PTPRF: variants seen among roughly 807,000 people sequenced by gnomAD.
The protein encoded by PTPRF is receptor-type tyrosine-protein phosphatase F.
PTPRF carries 59 observed loss-of-function variants against 201.8 expected under a neutral mutation model. That is an observed-to-expected ratio of 0.29 (90% CI 0.24 to 0.36). PTPRF has a LOEUF of 0.36. PTPRF is among the 10% of genes least tolerant of loss of function. The pLI is 1.00. For missense variants in PTPRF, 2,132 were observed against 2,690.5 expected (o/e 0.79, Z 4.59); for synonymous variants, 1,088 against 1,089.7 (o/e 1.00, Z 0.03).
Position 43,591,341 on chromosome 1 carries a change from C to G in PTPRF, c.1319C>G (p.Pro440Arg), listed in dbSNP as rs781314317. ...GTGCAGTGGGAGCCTCCCGAGGAGC[C>G]CAACGGCCTGGTGCGGGGATACCGC... is the stretch of plus-strand genomic sequence containing the variant. Reference protein sequence around the residue: ...MLVQWEPPEEPNGLVRGYRVY... With the variant: ...MLVQWEPPEERNGLVRGYRVY... Residue 440 changes from proline (P) to arginine (R), a missense_variant, in exon 9 of 34, where the codon CCC becomes CGC. Pro to Arg is a moderately radical substitution (Grantham distance 103). Coordinates refer to ENST00000359947, the MANE Select transcript of PTPRF (RefSeq NM_002840.5). 1.3e-6 allele frequency: 2 copies of G among 1,552,424 alleles called. No homozygotes were observed. The highest frequency in any genetic ancestry group is 1.7e-6 in the Non-Finnish European group (2 of 1,149,264).
chr1:43,587,248 G>A (rs1431389581), intron 7 of PTPRF, among the ~76,000 whole-genome samples: 1 of 152,212 alleles, frequency 6.6e-6, no homozygotes. Flanking sequence ...TGTTTGTGGA[G>A]GGCCCGTGAG....
upstream of PTPRF, among the ~76,000 whole-genome samples, chr1:43,522,667 A>G (rs1642989052): frequency 6.6e-6 from 1 of 152,224 alleles, no homozygotes; most frequent in Non-Finnish European, 1.5e-5. Flanking sequence ...ACCAAAAGTG[A>G]AGAATGAGTT....
At chr1:43,618,913 A>T in intron 26 of PTPRF, 135 bp from the exon 27 acceptor site, 3 of 1,441,126 alleles carry the variant, frequency 2.1e-6, no homozygotes, top group Non-Finnish European at 2.9e-6. Context: ...CAGTGCTAGG[A>T]GCTTCAGGCT....
intron 20 of PTPRF, 107 bp downstream of exon 20, chr1:43,606,565 G>C: frequency 8.3e-7 from 1 of 1,204,906 alleles, no homozygotes; most frequent in Non-Finnish European, 1.2e-6. Context: ...CAGTTTGGGG[G>C]CTTCGAGATC....
chr1:43,608,410 G>A (rs1249681721), intron 21 of PTPRF, among the ~76,000 whole-genome samples: 5 of 152,174 alleles, frequency 3.3e-5, no homozygotes, highest in East Asian at 1.9e-4. Context: ...GAGGGATGAC[G>A]CTTTGACCAG....
upstream of PTPRF, among the ~76,000 whole-genome samples, chr1:43,524,050 C>CAAAAAAAA (rs57088994): frequency 1.2e-5 from 1 of 80,668 alleles, no homozygotes; most frequent in Non-Finnish European, 2.2e-5. Context: ...GAGACTCTGT[C>CAAAAAAAA]AAAAAAAAAA....
intron 22 of PTPRF, 46 bp downstream of exon 22, chr1:43,609,544 G>T: frequency 6.7e-7 from 1 of 1,496,118 alleles, no homozygotes; most frequent in Non-Finnish European, 9.2e-7. Flanking sequence ...AGACCTAGCA[G>T]GCCTGTGGGT....
chr1:43,555,316 A>ACG (rs1553175096), intron 5 of PTPRF, among the ~76,000 whole-genome samples: 1 of 151,512 alleles, frequency 6.6e-6, no homozygotes, highest in Non-Finnish European at 1.5e-5. Context: ...ATACATATAT[A>ACG]TGTGTGTGTG....
In PTPRF at chr1:43,604,006, A is replaced by G; in HGVS notation, c.2854A>G (p.Thr952Ala). The G allele has an allele frequency of 1.2e-6, 2 of 1,614,152 alleles. No homozygotes were observed. Among genetic ancestry groups the G allele is most frequent in the Non-Finnish European group, 1.7e-6 (2 of 1,180,040 alleles). ...GAGGAACGGGCGCATCATCAGCTAC[A>G]CCGTGGTGTTCCGAGACATCAACAG... is the stretch of plus-strand genomic sequence containing the variant. ...AERNGRIISYTVVFRDINSQQ... is the reference protein window; with the variant it reads ...AERNGRIISYAVVFRDINSQQ... Residue 952 changes from threonine to alanine, a missense_variant, in exon 16 of 34, where the codon ACC becomes GCC. This residue lies in a region of PTPRF where 818 missense variants were observed against 915.3 expected (regional missense o/e 0.89). Transcript: ENST00000359947.
chr1:43,617,959 A>T (rs1342916307), intron 25 of PTPRF, 48 bp downstream of exon 25: 1 of 1,555,808 alleles, frequency 6.4e-7, no homozygotes, highest in Non-Finnish European at 8.7e-7. Flanking sequence ...ATGCCCAGCC[A>T]CAAGGTGATA....
intron 19 of PTPRF, among the ~76,000 whole-genome samples, chr1:43,605,910 A>C (rs2154026170): frequency 6.6e-6 from 1 of 152,340 alleles, no homozygotes; most frequent in Non-Finnish European, 1.5e-5. Flanking sequence ...AGAGCCTCGC[A>C]GATCTAGAAG....
At chr1:43,567,481 G>A (rs1467519485) in intron 5 of PTPRF, among the ~76,000 whole-genome samples, 3 of 152,212 alleles carry the variant, frequency 2.0e-5, no homozygotes, top group Non-Finnish European at 4.4e-5. Context: ...GTACAGCCAG[G>A]TCCCAGGAAA....
In PTPRF at chr1:43,620,972, G is replaced by A; in HGVS notation, c.5499G>A (p.Gly1833=). The change falls in exon 32 of 34, where the codon GGG becomes GGA. Residue 1833 remains glycine, a synonymous_variant. Coordinates refer to ENST00000359947, the MANE Select transcript of PTPRF (RefSeq NM_002840.5). ...CCAAGGAGCAGTTTGGACAGGATGG[G>A]CCTATCACGGTGCACTGCAGGTGGG... The part of the protein sequence containing the change: ...HKTKEQFGQD[G]PITVHCSAGV... 1.9e-6 allele frequency: 3 copies of A among 1,613,918 alleles called. No homozygotes were observed. The highest frequency in any genetic ancestry group is 2.5e-6 in the Non-Finnish European group (3 of 1,179,854).
Position 43,605,240 on chromosome 1 carries a change from G to A in PTPRF, c.3186G>A (p.Lys1062=). 1 of 1,608,788 alleles carries A rather than the reference G, an allele frequency of 6.2e-7. No homozygotes were observed. Among genetic ancestry groups the A allele is most frequent in the Admixed American group, 1.7e-5 (1 of 59,934 alleles). ...SVEVDGHSMR[K]LIADLQPNTE... ...AGGTGGACGGGCACTCGATGCGGAA[G>A]CTGATCGCAGACCTGCAGCCCAACA... The change falls in exon 18 of 34, where the codon AAG becomes AAA. Residue 1062 remains lysine, a synonymous_variant. Coordinates refer to ENST00000359947, the MANE Select transcript of PTPRF (RefSeq NM_002840.5).
intron 5 of PTPRF, among the ~76,000 whole-genome samples, chr1:43,562,115 GT>G (rs570162070): frequency 1.2e-4 from 17 of 147,178 alleles, no homozygotes; most frequent in South Asian, 2.2e-4. Flanking sequence ...GAGAGGACTT[GT>G]TTTTTTTTTT....
rs1487339996 is a variant in PTPRF, at chr1:43,537,076, CTG to C, written c.-125-1119_-125-1118del. ...GCAGAGTGGTGTGGGGTGGGGATCA[CTG>C]TGCATGTGGGGGCTTGAGGTGAGAA... On this transcript the variant is annotated intron_variant, in intron 1 of 33. Coordinates refer to ENST00000359947, the MANE Select transcript of PTPRF (RefSeq NM_002840.5). The surrounding 1 kb of genome is among the most constrained non-coding windows in gnomAD (Gnocchi z 4.8). 1.3e-5 allele frequency among the ~76,000 whole-genome samples: 2 copies of C among 152,166 alleles called. No homozygotes were observed. Among genetic ancestry groups the C allele is most frequent in the Admixed American group, 6.5e-5 (1 of 15,274 alleles).
intron 1 of PTPRF, 76 bp from the exon 2 acceptor site, chr1:43,538,122 A>T (rs973229314): frequency 2.5e-6 from 1 of 398,306 alleles, no homozygotes; most frequent in African/African-American, 2.1e-5. Flanking sequence ...GCAAATTTTT[A>T]ATGTCTTTCT....
In PTPRF at chr1:43,617,872, C is replaced by T. The variant is rs1022520800; in HGVS notation, c.4332C>T (p.Ala1444=). The change falls in exon 25 of 34, where the codon GCC becomes GCT. Residue 1444 remains alanine, a synonymous_variant. Transcript: ENST00000359947. ...GGATGGTGTGGGAACAGCGCACGGC[C>T]ACTGTGGTCATGATGACACGGCTGG... ...FWRMVWEQRT[A]TVVMMTRLEE... is the part of the protein sequence containing the mutation. 1.9e-6 allele frequency: 3 copies of T among 1,613,342 alleles called. No homozygotes were observed. Among genetic ancestry groups the T allele is most frequent in the African/African-American group, 1.3e-5 (1 of 74,904 alleles).
At chr1:43,535,531 C>T (rs931985157) in intron 1 of PTPRF, among the ~76,000 whole-genome samples, 1 of 152,160 alleles carries the variant, frequency 6.6e-6, no homozygotes, top group Non-Finnish European at 1.5e-5. Context: ...GGGACTGTTC[C>T]TGGTGCAGCC....
Sources: allele counts gnomAD v4.1 joint callset (sites outside exome capture counted in the v4.1 genomes callset), GRCh38; gene constraint gnomAD v4.1.1; regional missense constraint gnomAD v4.1.1; non-coding constraint Gnocchi (gnomAD v3.1); transcripts MANE v1.5; gene names NCBI Gene and HGNC (gene_info 2026-07-23, HGNC 2026-07-21).